The following CACNA2D1 variants were observed in gnomAD, a reference collection of about 807,000 sequenced individuals.
CACNA2D1 encodes voltage-dependent calcium channel subunit alpha-2/delta-1.
A neutral mutation model predicts 171.5 loss-of-function variants in CACNA2D1; 53 were observed. The ratio of observed to expected loss-of-function variants is 0.31; its 90% CI spans 0.25 to 0.39. CACNA2D1 has a LOEUF of 0.39. Among genes scored for constraint, CACNA2D1 ranks in the 10% least tolerant of loss-of-function variants. CACNA2D1 has a pLI of 1.00. For synonymous variants in CACNA2D1, 442 were observed against 443.1 expected, an observed-to-expected ratio of 1.00 and a Z score of 0.03; for missense variants, 903 against 1,299.8, an observed-to-expected ratio of 0.69 and a Z score of 4.69.
intron 21 of CACNA2D1, among the ~76,000 whole-genome samples, chr7:81,989,907 T>C (rs1797355868): frequency 6.6e-6 from 1 of 152,178 alleles, no homozygotes. Context: ...GGATTTCATG[T>C]CTTGAGTCAA....
chr7:82,183,830 T>C, intron 3 of CACNA2D1, among the ~76,000 whole-genome samples: 1 of 152,152 alleles, frequency 6.6e-6, no homozygotes. Flanking sequence ...TTCTATCTGG[T>C]GAACCACTTC....
chr7:82,120,208 T>C (rs1294717293), intron 5 of CACNA2D1, among the ~76,000 whole-genome samples: 1 of 152,092 alleles, frequency 6.6e-6, no homozygotes, highest in Non-Finnish European at 1.5e-5. Context: ...TGTGTGTGTG[T>C]GCATGTGTGT....
intron 3 of CACNA2D1, among the ~76,000 whole-genome samples, chr7:82,199,675 A>T (rs1298191629): frequency 6.6e-6 from 1 of 152,076 alleles, no homozygotes; most frequent in Non-Finnish European, 1.5e-5. Flanking sequence ...TTATGAAGTT[A>T]TACATATTCT....
intron 3 of CACNA2D1, among the ~76,000 whole-genome samples, chr7:82,199,559 A>G (rs1480271942): frequency 1.3e-5 from 2 of 152,128 alleles, no homozygotes; most frequent in African/African-American, 4.8e-5. Flanking sequence ...GCTTCTGAAC[A>G]CTTCATCTTT....
chr7:82,301,842 C>A (rs1299140958), intron 3 of CACNA2D1, among the ~76,000 whole-genome samples: 1 of 151,802 alleles, frequency 6.6e-6, no homozygotes, highest in Non-Finnish European at 1.5e-5. Context: ...ACTGCAACCT[C>A]TGCCTTCTGG....
chr7:81,992,237 C>T (rs1797623515), intron 20 of CACNA2D1, among the ~76,000 whole-genome samples: 3 of 152,066 alleles, frequency 2.0e-5, no homozygotes. Context: ...TTCTTGGTAT[C>T]AGGCACTATG....
chr7:82,045,993 T>G (rs1461853696), intron 10 of CACNA2D1, among the ~76,000 whole-genome samples: 1 of 152,168 alleles, frequency 6.6e-6, no homozygotes, highest in East Asian at 1.9e-4. Context: ...TCCCGTCATG[T>G]GATATTCTTC....
intron 1 of CACNA2D1, among the ~76,000 whole-genome samples, chr7:82,381,671 C>G (rs1355263968): frequency 5.3e-5 from 8 of 150,560 alleles, no homozygotes. Flanking sequence ...GGCTGTCTTT[C>G]TCATCTTAAG....
chr7:82,198,314 G>A (rs779818891), intron 3 of CACNA2D1, among the ~76,000 whole-genome samples: 2 of 152,024 alleles, frequency 1.3e-5, no homozygotes, highest in Non-Finnish European at 2.9e-5. Context: ...TCCTATTTTG[G>A]CTTGGCTAGA....
chr7:82,434,135 A>G (rs942920471), intron 1 of CACNA2D1, among the ~76,000 whole-genome samples: 14 of 152,266 alleles, frequency 9.2e-5, no homozygotes, highest in African/African-American at 3.4e-4. Flanking sequence ...AAAGAAAAGC[A>G]GAAAATGACT....
intron 12 of CACNA2D1, chr7:82,027,808 A>G (rs1419316638): frequency 6.6e-6 from 1 of 151,738 alleles, no homozygotes; most frequent in Non-Finnish European, 1.5e-5. Flanking sequence ...TGATCATTAT[A>G]TCTGATACAG....
chr7:82,276,001 C>T (rs1809268445), intron 3 of CACNA2D1, among the ~76,000 whole-genome samples: 1 of 152,132 alleles, frequency 6.6e-6, no homozygotes, highest in Admixed American at 6.5e-5. Context: ...AATTACTTAA[C>T]TATTATCATT....
intron 1 of CACNA2D1, among the ~76,000 whole-genome samples, chr7:82,420,615 C>T (rs897286379): frequency 1.3e-5 from 2 of 152,108 alleles, no homozygotes; most frequent in South Asian, 4.1e-4. Context: ...AGGTGGAAAT[C>T]CAGTTCTGTC....
At chr7:82,098,810 C>A (rs577804965) in intron 6 of CACNA2D1, among the ~76,000 whole-genome samples, 1 of 152,318 alleles carries the variant, frequency 6.6e-6, no homozygotes, top group South Asian at 2.1e-4. Flanking sequence ...TCAATGCATG[C>A]ATGCCAAACA....
intron 38 of CACNA2D1, among the ~76,000 whole-genome samples, chr7:81,957,263 T>TATTGAATATGTTTCATTTAGGATTAGAA (rs1793510414): frequency 6.6e-6 from 1 of 152,042 alleles, no homozygotes; most frequent in African/African-American, 2.4e-5. Context: ...TTTACATAAA[T>TATTGAATATGTTTCATTTAGGATTAGAA]ATTGAATATG....
intron 1 of CACNA2D1, among the ~76,000 whole-genome samples, chr7:82,375,976 G>T (rs190504305): frequency 6.6e-6 from 1 of 152,168 alleles, no homozygotes; most frequent in African/African-American, 2.4e-5. Context: ...ATCTAAAGCT[G>T]GGGGATAGAA....
At chr7:82,262,383 T>C (rs915059313) in intron 3 of CACNA2D1, among the ~76,000 whole-genome samples, 1 of 152,088 alleles carries the variant, frequency 6.6e-6, no homozygotes, top group African/African-American at 2.4e-5. Context: ...GAAAAACAGA[T>C]ATGTTATCCT....
intron 3 of CACNA2D1, among the ~76,000 whole-genome samples, chr7:82,273,724 T>C (rs1314975329): frequency 6.6e-6 from 1 of 152,166 alleles, no homozygotes; most frequent in African/African-American, 2.4e-5. Flanking sequence ...ATGAAGGGTA[T>C]AATTCCAATT....
intron 12 of CACNA2D1, among the ~76,000 whole-genome samples, chr7:82,020,375 A>G (rs570548413): frequency 3.9e-5 from 6 of 152,158 alleles, no homozygotes; most frequent in Admixed American, 6.6e-5. Flanking sequence ...GACTTTCAGC[A>G]AGTTACTTTA....
Sources: gnomAD v4.1 joint callset for allele counts (sites outside exome capture counted in the v4.1 genomes callset) on GRCh38, gnomAD v4.1.1 for gene constraint, MANE v1.5 for transcripts, NCBI Gene and HGNC (gene_info 2026-07-23, HGNC 2026-07-21) for gene names.